The following PADI2 variants were observed in gnomAD, a reference collection of about 807,000 sequenced individuals.
PADI2 encodes the protein protein-arginine deiminase type-2.
In PADI2, 70 loss-of-function variants were observed where a neutral mutation model predicts 81.1. That is an observed-to-expected ratio of 0.86 (90% confidence interval 0.71 to 1.05). The LOEUF is 1.05. Among genes scored for constraint, PADI2 ranks in the 50% least tolerant of loss-of-function variants. The pLI is 0.00. For synonymous variants in PADI2, 338 were observed against 358.0 expected (o/e 0.94, Z 0.63); for missense variants, 853 against 889.9 (o/e 0.96, Z 0.53).
chr1:17,106,778 A>AGAGGAGGAG (rs3036927), intron 1 of PADI2, among the ~76,000 whole-genome samples: 51 of 149,956 alleles, frequency 3.4e-4, no homozygotes, highest in Middle Eastern at 3.4e-3. Context: ...GAAAGATGAG[A>AGAGGAGGAG]GAGGAGGAGG....
Position 17,086,712 on chromosome 1 carries a change from G to A in PADI2, c.656-13C>T. The A allele has an allele frequency of 1.2e-6, 2 of 1,610,348 alleles. No homozygotes were observed. Among genetic ancestry groups the A allele is most frequent in the East Asian group, 2.2e-5 (1 of 44,738 alleles). On this transcript the variant is annotated splice_polypyrimidine_tract_variant and intron_variant, in intron 6 of 15. Coordinates refer to ENST00000375486, the MANE Select transcript of PADI2 (RefSeq NM_007365.3). ...CCGAAGAACGGGTCTGGAGGGAAAA[G>A]GACCAACGTCAGACTCCCACCCGCA...
intron 11 of PADI2, 28 bp downstream of exon 11, chr1:17,079,236 C>T (rs774006083): frequency 6.2e-7 from 1 of 1,603,530 alleles, no homozygotes; most frequent in African/African-American, 1.3e-5. Flanking sequence ...ACTCCCACAG[C>T]CCCTAGCCCC....
At chr1:17,089,540 G>A (rs145088547) in intron 6 of PADI2, among the ~76,000 whole-genome samples, 263 of 152,316 alleles carry the variant, frequency 1.7e-3, no homozygotes, top group African/African-American at 6.2e-3. Context: ...GGCAGGTGGA[G>A]GACACGTTCT....
At chr1:17,099,841 T>C (rs1380404476) in intron 3 of PADI2, among the ~76,000 whole-genome samples, 1 of 152,172 alleles carries the variant, frequency 6.6e-6, no homozygotes, top group African/African-American at 2.4e-5. Context: ...ATTTTATAGA[T>C]GAGGAAGCCA....
At position 17,119,213 on chromosome 1, in the gene PADI2, G is replaced by A. The variant is rs1358767184; in HGVS notation, c.92+67C>T. On this transcript the variant is annotated intron_variant, in intron 1 of 15. Transcript: ENST00000375486. This position sits in a 1 kb window ranked among gnomAD's most constrained non-coding sequence, Gnocchi z 4.8. Reference sequence around the variant, plus strand: ...GGACAAAGGCTGTCCACGTCCCCGAGTCTGAGCGCGTCTCAGGATTTCTGG... The same window carrying A: ...GGACAAAGGCTGTCCACGTCCCCGAATCTGAGCGCGTCTCAGGATTTCTGG... 8.7e-7 allele frequency: 1 copy of A among 1,154,806 alleles called. No individual in the cohort carries two copies. Among genetic ancestry groups the A allele is most frequent in the Non-Finnish European group, 1.2e-6 (1 of 813,830 alleles). The allele number at this position is 1,154,806 out of a possible 1,614,324, so 71.5% of individuals were successfully genotyped here. A position where few individuals can be genotyped will look rare whatever the true frequency, so the allele number is the denominator to read the frequency against.
Position 17,067,551 on chromosome 1 carries a change from A to G in PADI2, c.*1493T>C, listed in dbSNP as rs2746533. 14,763 of 152,268 alleles carry G rather than the reference A, an allele frequency of 0.097. 917 individuals carry two copies. Among genetic ancestry groups the G allele is most frequent in the African/African-American group, 0.17 (7,156 of 41,494 alleles). 9.4% of individuals were successfully genotyped at this position (152,268 alleles called of 1,614,324 possible). On this transcript the variant is annotated 3_prime_UTR_variant, in exon 16 of 16. Coordinates refer to ENST00000375486, the MANE Select transcript of PADI2 (RefSeq NM_007365.3). ...CCCTGCGGATTTCTGAATATAGTGG[A>G]CTGGCATTTCTAAAGAGCGCATCAC...
rs1481055734 is a variant in PADI2 at position 17,069,183 on chromosome 1, C to T, written c.1859G>A (p.Gly620Asp). ...TTCGAGGCCCAGGGGCTCCAGGAGG[C>T]CACGCACGTGCATCTCCAGGCAGCA... ...EECCLEMHVR[G>D]LLEPLGLECT... Residue 620 changes from glycine to aspartate, a missense_variant, in exon 16 of 16, where the codon GGC (glycine) becomes GAC (aspartate). Physicochemically the swap from Gly to Asp is moderately conservative, Grantham distance 94 (BLOSUM62 -1). Transcript: ENST00000375486. 5 of 1,614,110 alleles carry T rather than the reference C, an allele frequency of 3.1e-6. No homozygotes were observed. In the East Asian group the frequency reaches 6.7e-5, roughly 22 times the overall value.
chr1:17,095,829 TG>T, intron 4 of PADI2, 79 bp downstream of exon 4: 1 of 1,110,814 alleles, frequency 9.0e-7, no homozygotes, highest in Non-Finnish European at 1.3e-6. Context: ...AGCTGTGAAA[TG>T]GGAATTGCCT....
chr1:17,094,533 A>T (rs1930836213), intron 4 of PADI2, among the ~76,000 whole-genome samples: 1 of 152,082 alleles, frequency 6.6e-6, no homozygotes, highest in African/African-American at 2.4e-5. Context: ...CCTTTTTGGG[A>T]GGACTTAGGA....
At chr1:17,085,411 G>A (rs1470283197) in intron 7 of PADI2, among the ~76,000 whole-genome samples, 1 of 152,146 alleles carries the variant, frequency 6.6e-6, no homozygotes, top group Non-Finnish European at 1.5e-5. Flanking sequence ...CTCTGCGGGT[G>A]CCTGAGAGAT....
At chr1:17,112,054 T>G (rs1228008715) in intron 1 of PADI2, among the ~76,000 whole-genome samples, 1 of 151,972 alleles carries the variant, frequency 6.6e-6, no homozygotes, top group African/African-American at 2.4e-5. Flanking sequence ...GCACTGTAGA[T>G]AGATCATCCA....
chr1:17,081,225 C>G (rs574670570), intron 10 of PADI2, among the ~76,000 whole-genome samples: 5 of 152,204 alleles, frequency 3.3e-5, no homozygotes, highest in African/African-American at 1.2e-4. Context: ...GGACAGGGCC[C>G]GGGGAATGAT....
At chr1:17,101,896 C>T (rs965848145) in intron 3 of PADI2, among the ~76,000 whole-genome samples, 1 of 152,144 alleles carries the variant, frequency 6.6e-6, no homozygotes, top group African/African-American at 2.4e-5. Flanking sequence ...TAATATCTAT[C>T]CTTGGAATAG....
intron 1 of PADI2, among the ~76,000 whole-genome samples, chr1:17,108,611 TCGGA>T (rs1931467156): frequency 6.6e-6 from 1 of 151,644 alleles, no homozygotes; most frequent in African/African-American, 2.4e-5. Context: ...CAGAGGTGAG[TCGGA>T]CGGAAGGTAA....
In PADI2 at chr1:17,069,282, G is replaced by A. The variant is rs1371184753; in HGVS notation, c.1765-5C>T. On this transcript the variant is annotated splice_polypyrimidine_tract_variant and splice_region_variant and intron_variant, in intron 15 of 15. Coordinates refer to ENST00000375486, the MANE Select transcript of PADI2 (RefSeq NM_007365.3). ...GTCCAGCACGATCATGTTCACCTGT[G>A]ACGGGGGATTGCGATGGCAACAGCT... is the stretch of plus-strand genomic sequence containing the variant. 4.3e-6 allele frequency: 7 copies of A among 1,610,288 alleles called. No individual in the cohort carries two copies. The highest frequency in any genetic ancestry group is 5.9e-6 in the Non-Finnish European group (7 of 1,176,492).
Position 17,070,315 on chromosome 1 carries a change from C to T in PADI2, c.1636-99G>A, listed in dbSNP as rs148435265. 4.9e-4 allele frequency: 726 copies of T among 1,489,452 alleles called. 4 individuals are homozygous for T. In the African/African-American group the frequency reaches 8.9e-3, roughly 18 times the overall value. The allele number at this position is 1,489,452 out of a possible 1,614,324, so 92.3% of individuals were successfully genotyped here. A position where few individuals can be genotyped will look rare whatever the true frequency, so the allele number is the denominator to read the frequency against. ...GTCTGCAGCACCAGGCCAGGGGCCC[C>T]GGCACTCCAGAGAGACTTCTAGCAG... On this transcript the variant is annotated intron_variant, in intron 14 of 15. Transcript: ENST00000375486.
At chr1:17,107,931 C>T (rs1163493575) in intron 1 of PADI2, among the ~76,000 whole-genome samples, 2 of 151,992 alleles carry the variant, frequency 1.3e-5, no homozygotes, top group African/African-American at 2.4e-5. Flanking sequence ...GCTTGCTGTC[C>T]CCTCTCCGCA....
intron 13 of PADI2, among the ~76,000 whole-genome samples, chr1:17,074,392 C>CAAAAAAAAA (rs71006417): frequency 7.0e-6 from 1 of 142,404 alleles, no homozygotes; most frequent in Non-Finnish European, 1.5e-5. Context: ...AACTCTGTCT[C>CAAAAAAAAA]AAAAAAAAAA....
rs78542092 is a variant in PADI2 at position 17,091,653 on chromosome 1, A to G, written c.655+755T>C. ...AGTGGCTGGTTCCTTCTTATTGTTC[A>G]TCTGAGTCTCAGCTCAGATGTCACC... is the stretch of plus-strand genomic sequence containing the variant. On this transcript the variant is annotated intron_variant, in intron 6 of 15. Transcript: ENST00000375486. Among the ~76,000 whole-genome samples the G allele has an allele frequency of 5.4e-3, 826 of 152,172 alleles. 12 individuals carry two copies. The highest frequency in any genetic ancestry group is 0.019 in the African/African-American group (782 of 41,524).
Sources: gnomAD v4.1 joint callset for allele counts (sites outside exome capture counted in the v4.1 genomes callset) on GRCh38, gnomAD v4.1.1 for gene constraint, Gnocchi (gnomAD v3.1) non-coding constraint, MANE v1.5 for transcripts, NCBI Gene and HGNC (gene_info 2026-07-23, HGNC 2026-07-21) for gene names.